The following PHAX variants were observed in gnomAD, a reference collection of about 807,000 sequenced individuals.
The protein encoded by PHAX is phosphorylated adaptor for RNA export, also known as phosphorylated adapter RNA export protein.
A neutral mutation model predicts 41.6 loss-of-function variants in PHAX; 31 were observed. The ratio of observed to expected loss-of-function variants is 0.75; its 90% CI spans 0.56 to 1.01. The LOEUF (loss-of-function observed/expected upper bound fraction) is 1.01. Among genes scored for constraint, PHAX ranks in the 50% least tolerant of loss-of-function variants. The pLI is 0.00. For missense variants in PHAX, 453 were observed against 472.9 expected, an observed-to-expected ratio of 0.96 and a Z score of 0.39; for synonymous variants, 175 against 164.9, an observed-to-expected ratio of 1.06 and a Z score of -0.47.
intron 3 of PHAX, among the ~76,000 whole-genome samples, chr5:126,613,170 G>C (rs1244603395): frequency 2.0e-5 from 3 of 152,138 alleles, no homozygotes. Context: ...CCAACATGGT[G>C]AAACCCCGTC....
intron 4 of PHAX, 143 bp downstream of exon 4, chr5:126,617,476 TTTA>T: frequency 2.2e-6 from 1 of 450,774 alleles, no homozygotes; most frequent in Non-Finnish European, 4.0e-6. Flanking sequence ...ATTTATGCCT[TTTA>T]TTTATTTATT....
Position 126,624,788 on chromosome 5 carries a change from T to C in PHAX, c.1129T>C (p.Leu377=). The change falls in exon 5 of 5, where the codon TTG becomes CTG. Residue 377 remains leucine (L), a synonymous_variant. Coordinates refer to ENST00000297540, the MANE Select transcript of PHAX (RefSeq NM_032177.4). ...ESQEGHAEAK[L]EAEEAIEVDH... ...ACAGGAAGGACATGCAGAAGCCAAG[T>C]TGGAGGCAGAGGAAGCCATTGAAGT... is the stretch of plus-strand genomic sequence containing the variant. The C allele has an allele frequency of 1.2e-6, 2 of 1,613,490 alleles. No individual in the cohort carries two copies.
intron 1 of PHAX, among the ~76,000 whole-genome samples, chr5:126,601,992 G>A (rs1022357029): frequency 6.6e-6 from 1 of 152,004 alleles, no homozygotes; most frequent in African/African-American, 2.4e-5. Flanking sequence ...TGTATTTTTA[G>A]TTGAGACGAG....
intron 4 of PHAX, among the ~76,000 whole-genome samples, chr5:126,620,293 TTC>T (rs1215075471): frequency 6.6e-6 from 1 of 152,240 alleles, no homozygotes; most frequent in Non-Finnish European, 1.5e-5. Context: ...TACTCTAATG[TTC>T]TCTCCTCTCA....
chr5:126,609,982 C>G (rs1752055341), intron 3 of PHAX, among the ~76,000 whole-genome samples: 1 of 152,206 alleles, frequency 6.6e-6, no homozygotes, highest in Admixed American at 6.5e-5. Flanking sequence ...GGCAATCCGC[C>G]TGCCTCGGCC....
At chr5:126,619,185 C>T (rs1283479008) in intron 4 of PHAX, among the ~76,000 whole-genome samples, 2 of 152,186 alleles carry the variant, frequency 1.3e-5, no homozygotes, top group African/African-American at 2.4e-5. Context: ...CCTTGGCCTC[C>T]GAAAGTGCTG....
chr5:126,621,141 C>T (rs1198206082), intron 4 of PHAX, among the ~76,000 whole-genome samples: 3 of 152,114 alleles, frequency 2.0e-5, no homozygotes, highest in Middle Eastern at 3.2e-3. Flanking sequence ...GTTCATGCCT[C>T]GGCCTCTCAA....
At chr5:126,604,273 CCT>C in intron 2 of PHAX, 90 bp downstream of exon 2, 2 of 791,612 alleles carry the variant, frequency 2.5e-6, no homozygotes, top group Non-Finnish European at 3.3e-6. Context: ...ATGATATGTT[CCT>C]TTTTTTTTTT....
At chr5:126,608,596 A>G (rs1752024909) in intron 3 of PHAX, 112 bp downstream of exon 3, 3 of 819,636 alleles carry the variant, frequency 3.7e-6, no homozygotes, top group African/African-American at 1.7e-5. Flanking sequence ...GCATTCTTAC[A>G]GTATGTTTGA....
rs1295825204 is a variant in PHAX at position 126,603,558 on chromosome 5, TTTCAC to T, written c.97-9_97-5del. On this transcript the variant is annotated splice_polypyrimidine_tract_variant and splice_region_variant and intron_variant, in intron 1 of 4. Transcript: ENST00000297540. ...GTTTTGTGAAATTGATTGTGTTTCT[TTTCAC>T]TTGCAGAAAGTGCTAGGTGGCGACA... 1 of 1,582,192 alleles carries T rather than the reference TTTCAC, an allele frequency of 6.3e-7. No individual in the cohort carries two copies. Among genetic ancestry groups the T allele is most frequent in the Non-Finnish European group, 8.6e-7 (1 of 1,161,926 alleles).
At chr5:126,615,208 T>C (rs1039200652) in intron 3 of PHAX, among the ~76,000 whole-genome samples, 2 of 152,158 alleles carry the variant, frequency 1.3e-5, no homozygotes, top group South Asian at 2.1e-4. Flanking sequence ...TGAATAGTTA[T>C]ATCATAATTT....
chr5:126,609,268 C>G (rs543135279), intron 3 of PHAX, among the ~76,000 whole-genome samples: 2 of 151,438 alleles, frequency 1.3e-5, no homozygotes, highest in African/African-American at 2.4e-5. Context: ...ACCCGGCTAA[C>G]GTTTGTATTT....
Position 126,621,028 on chromosome 5 carries a change from G to T in PHAX, c.916-3547G>T, listed in dbSNP as rs117336515. Among the ~76,000 whole-genome samples the T allele has an allele frequency of 1.2e-3, 184 of 151,914 alleles. 2 individuals carry two copies. In the East Asian group the frequency reaches 0.034, roughly 28 times the overall value. On this transcript the variant is annotated intron_variant, in intron 4 of 4. Transcript: ENST00000297540. Reference sequence around the variant, plus strand: ...TGGAATTACAGGAGTGAGCCACTGCGCCTGGCCAAAAAATTCTTTTTAAAA... The same window carrying T: ...TGGAATTACAGGAGTGAGCCACTGCTCCTGGCCAAAAAATTCTTTTTAAAA...
At chr5:126,603,508 A>G in intron 1 of PHAX, 62 bp from the exon 2 acceptor site, 1 of 1,517,988 alleles carries the variant, frequency 6.6e-7, no homozygotes, top group South Asian at 1.3e-5. Flanking sequence ...TAAATTTTTA[A>G]AAATTAGGTA....
rs547220006 is a variant in PHAX at position 126,622,365 on chromosome 5, C to A, written c.916-2210C>A. On this transcript the variant is annotated intron_variant, in intron 4 of 4. Coordinates refer to ENST00000297540, the MANE Select transcript of PHAX (RefSeq NM_032177.4). ...GCCAGGATGGTCTCGATCTCCTGAC[C>A]TCGTGATCCGCCCGCCTCAGCCTCT... 6.6e-5 allele frequency among the ~76,000 whole-genome samples: 10 copies of A among 151,528 alleles called. No homozygotes were observed. In the East Asian group the frequency reaches 1.9e-3, roughly 29 times the overall value.
At chr5:126,607,486 C>T (rs1486789712) in intron 2 of PHAX, among the ~76,000 whole-genome samples, 2 of 149,072 alleles carry the variant, frequency 1.3e-5, no homozygotes, top group African/African-American at 5.0e-5. Flanking sequence ...GCAACCTCTG[C>T]CTCAGCCTCA....
At position 126,625,052 on chromosome 5, in the gene PHAX, C is replaced by G; in HGVS notation, c.*208C>G. On this transcript the variant is annotated 3_prime_UTR_variant, in exon 5 of 5. Coordinates refer to ENST00000297540, the MANE Select transcript of PHAX (RefSeq NM_032177.4). ...ACAAAATACTTAAGAGTATATAGCA[C>G]AGGATTTAATTTCTCAATCTGTTGC... is the stretch of plus-strand genomic sequence containing the variant. The G allele has an allele frequency of 5.8e-6, 3 of 517,190 alleles. No homozygotes were observed. The highest frequency in any genetic ancestry group is 1.0e-5 in the Non-Finnish European group (3 of 298,036). 32.0% of individuals were successfully genotyped at this position (517,190 alleles called of 1,614,324 possible).
At position 126,624,938 on chromosome 5, in the gene PHAX, A is replaced by G. The variant is rs1752326282; in HGVS notation, c.*94A>G. ...ATTGCAACGTTTTGCACTGATAAACATGAGAATCTGGAGGAAAGACAATTG... is the reference window on the plus strand; with the variant it reads ...ATTGCAACGTTTTGCACTGATAAACGTGAGAATCTGGAGGAAAGACAATTG... On this transcript the variant is annotated 3_prime_UTR_variant, in exon 5 of 5. Coordinates refer to ENST00000297540, the MANE Select transcript of PHAX (RefSeq NM_032177.4). The G allele has an allele frequency of 4.5e-6, 5 of 1,099,440 alleles. No individual in the cohort carries two copies. The highest frequency in any genetic ancestry group is 4.3e-4 in the Middle Eastern group (2 of 4,654). The allele number at this position is 1,099,440 out of a possible 1,614,324, so 68.1% of individuals were successfully genotyped here.
intron 3 of PHAX, among the ~76,000 whole-genome samples, chr5:126,613,861 G>A (rs373252009): frequency 6.7e-6 from 1 of 149,362 alleles, no homozygotes; most frequent in African/African-American, 2.5e-5. Flanking sequence ...CTGCAGCCTC[G>A]ACCTCCCTGG....
Sources: gnomAD v4.1 joint callset for allele counts (sites outside exome capture counted in the v4.1 genomes callset) on GRCh38, gnomAD v4.1.1 for gene constraint, MANE v1.5 for transcripts, NCBI Gene and HGNC (gene_info 2026-07-23, HGNC 2026-07-21) for gene names.